Variants in PCDH15 observed in about 807,000 individuals in gnomAD.
The protein encoded by PCDH15 is protocadherin related 15, also known as protocadherin-15.
In PCDH15, 129 loss-of-function variants were observed where a neutral mutation model predicts 178.5. The observed-to-expected ratio is 0.72, with a 90% CI of 0.63 to 0.84. PCDH15 has a LOEUF of 0.84. Among genes scored for constraint, PCDH15 ranks in the 40% least tolerant of loss-of-function variants. The probability of loss-of-function intolerance (pLI) is 0.00; values close to 1 mark genes in which losing one functional copy is unlikely to be tolerated. For synonymous variants in PCDH15, 800 were observed against 732.0 expected (o/e 1.09, Z -1.50); for missense variants, 2,230 against 2,099.9 (o/e 1.06, Z -1.21).
At chr10:54,971,787 C>T (rs561371143) in intron 2 of PCDH15, among the ~76,000 whole-genome samples, 2 of 152,246 alleles carry the variant, frequency 1.3e-5, no homozygotes, top group East Asian at 3.9e-4. Context: ...GCAGCCATGG[C>T]TAAGAACTAA....
At chr10:54,664,135 T>C in intron 2 of PCDH15, 37 bp downstream of exon 2, 1 of 1,468,236 alleles carries the variant, frequency 6.8e-7, no homozygotes, top group Non-Finnish European at 9.5e-7. Context: ...ATAAAAATCC[T>C]GGCTCGCTCT....
intron 2 of PCDH15, among the ~76,000 whole-genome samples, chr10:55,542,198 TGTAGA>T (rs1445872298): frequency 6.6e-6 from 1 of 151,474 alleles, no homozygotes; most frequent in African/African-American, 2.4e-5. Context: ...TATGTGCATA[TGTAGA>T]GTATTTGTCT....
rs530704341 is a variant in PCDH15, at chr10:54,534,878, G to T, written c.92-7001C>A. ...ACAGATACTACTTATTTTACATTTT[G>T]ACTGCTTCATCCAAAAGAAAAAGTT... is the stretch of plus-strand genomic sequence containing the variant. On this transcript the variant is annotated intron_variant, in intron 2 of 37. Transcript: ENST00000644397. Among the ~76,000 whole-genome samples, 15 of 152,168 alleles carry T rather than the reference G, an allele frequency of 9.9e-5. No homozygotes were observed. In the South Asian group the frequency reaches 3.1e-3, roughly 32 times the overall value.
chr10:54,414,992 G>C (rs1954110755), intron 3 of PCDH15, among the ~76,000 whole-genome samples: 1 of 151,902 alleles, frequency 6.6e-6, no homozygotes, highest in African/African-American at 2.4e-5. Flanking sequence ...CAATTGATGT[G>C]GTAAAACGTG....
intron 2 of PCDH15, among the ~76,000 whole-genome samples, chr10:54,661,572 C>CA (rs1455438921): frequency 2.6e-5 from 4 of 151,420 alleles, no homozygotes; most frequent in South Asian, 2.1e-4. Flanking sequence ...CATATGGAAC[C>CA]AAAAAAAGAG....
chr10:55,442,662 G>T (rs1013674732), intron 2 of PCDH15, among the ~76,000 whole-genome samples: 1 of 150,894 alleles, frequency 6.6e-6, no homozygotes, highest in Non-Finnish European at 1.5e-5. Context: ...AAAAAAAAGA[G>T]ATCCTGTAAA....
intron 13 of PCDH15, among the ~76,000 whole-genome samples, chr10:54,159,108 C>CAAAA (rs34942409): frequency 0.014 from 1,800 of 125,560 alleles, 59 homozygotes; most frequent in Admixed American, 0.068. Flanking sequence ...GAGTCTGTCT[C>CAAAA]AAAAAAAAAA....
intron 13 of PCDH15, among the ~76,000 whole-genome samples, chr10:54,166,022 C>T (rs752060220): frequency 6.6e-6 from 1 of 152,102 alleles, no homozygotes; most frequent in East Asian, 1.9e-4. Flanking sequence ...GAGAATAAAC[C>T]AACATATATT....
intron 18 of PCDH15, among the ~76,000 whole-genome samples, chr10:54,057,997 C>T (rs992441047): frequency 6.6e-6 from 1 of 152,194 alleles, no homozygotes; most frequent in Non-Finnish European, 1.5e-5. Context: ...TCAGCCTAGA[C>T]TTTATTGTCC....
chr10:54,593,021 A>G (rs1467372746), intron 2 of PCDH15, among the ~76,000 whole-genome samples: 1 of 152,090 alleles, frequency 6.6e-6, no homozygotes, highest in Non-Finnish European at 1.5e-5. Flanking sequence ...ATTAATGTCC[A>G]TTTTTGTAAA....
intron 26 of PCDH15, among the ~76,000 whole-genome samples, chr10:53,898,884 T>A (rs890697082): frequency 6.6e-6 from 1 of 152,144 alleles, no homozygotes; most frequent in African/African-American, 2.4e-5. Context: ...TGAAATTCTG[T>A]TAAAGTGTGA....
Position 54,527,820 on chromosome 10 carries a change from C to A in PCDH15, c.149G>T (p.Ser50Ile), listed in dbSNP as rs1555032911. Residue 50 changes from serine to isoleucine, a missense_variant, in exon 3 of 38, where the codon AGT becomes ATT. Coordinates refer to ENST00000644397, the MANE Select transcript of PCDH15 (RefSeq NM_001384140.1). ...ATAAAAAACTCACTTACCATTCCGA[C>A]TTTCTTCATCAATAGCAACTATGGT... Reference protein sequence around the residue: ...PATIVAIDEESRNGTILVDNM... With the variant: ...PATIVAIDEEIRNGTILVDNM... 1.2e-6 allele frequency: 2 copies of A among 1,609,730 alleles called. No individual in the cohort carries two copies. Among genetic ancestry groups the A allele is most frequent in the Admixed American group, 3.3e-5 (2 of 59,768 alleles).
At chr10:55,086,081 A>G (rs1842160957) in intron 2 of PCDH15, among the ~76,000 whole-genome samples, 1 of 151,694 alleles carries the variant, frequency 6.6e-6, no homozygotes, top group Non-Finnish European at 1.5e-5. Flanking sequence ...TTATTTTTAT[A>G]TTTTCTAAAA....
chr10:55,003,477 T>C (rs1564706396), intron 2 of PCDH15, among the ~76,000 whole-genome samples: 1 of 152,132 alleles, frequency 6.6e-6, no homozygotes, highest in Non-Finnish European at 1.5e-5. Flanking sequence ...AGAATTTTTT[T>C]CTTTTGAAGT....
intron 1 of PCDH15, among the ~76,000 whole-genome samples, chr10:54,677,008 G>A (rs183923104): frequency 2.0e-5 from 3 of 152,272 alleles, no homozygotes; most frequent in South Asian, 4.1e-4. Context: ...AAGGTATAGT[G>A]AAAGGGAGAA....
chr10:55,451,867 T>C (rs1287537898), intron 2 of PCDH15, among the ~76,000 whole-genome samples: 1 of 152,238 alleles, frequency 6.6e-6, no homozygotes, highest in African/African-American at 2.4e-5. Flanking sequence ...CACTTGAAAT[T>C]ACACAGCTTT....
intron 2 of PCDH15, among the ~76,000 whole-genome samples, chr10:54,953,692 T>G (rs1206647929): frequency 1.3e-5 from 2 of 151,422 alleles, no homozygotes; most frequent in South Asian, 4.1e-4. Flanking sequence ...AAACTTTTAG[T>G]CAGATTATCA....
intron 2 of PCDH15, among the ~76,000 whole-genome samples, chr10:55,498,529 T>G (rs1840585521): frequency 6.6e-6 from 1 of 151,898 alleles, no homozygotes; most frequent in Admixed American, 6.6e-5. Flanking sequence ...TGATATCTCC[T>G]GAAGTGACAA....
chr10:54,177,131 TG>T (rs1483037831), intron 13 of PCDH15, among the ~76,000 whole-genome samples: 1 of 151,964 alleles, frequency 6.6e-6, no homozygotes, highest in Admixed American at 6.6e-5. Flanking sequence ...TGAAAAGACA[TG>T]GAGGAATTTT....
Sources: allele counts gnomAD v4.1 joint callset (sites outside exome capture counted in the v4.1 genomes callset), GRCh38; gene constraint gnomAD v4.1.1; transcripts MANE v1.5; gene names NCBI Gene and HGNC (gene_info 2026-07-23, HGNC 2026-07-21).